The following BIRC6 variants were observed in gnomAD, a reference collection of about 807,000 sequenced individuals.
The protein encoded by BIRC6 is dual E2 ubiquitin-conjugating enzyme/E3 ubiquitin-protein ligase BIRC6.
In BIRC6, 98 loss-of-function variants were observed where a neutral mutation model predicts 503.3. The ratio of observed to expected loss-of-function variants is 0.19; its 90% CI spans 0.17 to 0.23. BIRC6 has a LOEUF of 0.23. BIRC6 is among the 10% of genes least tolerant of loss of function. The pLI is 1.00. For synonymous variants in BIRC6, 2,240 were observed against 2,078.7 expected (o/e 1.08, Z -2.11); for missense variants, 5,360 against 5,806.0 (o/e 0.92, Z 2.50).
intron 21 of BIRC6, among the ~76,000 whole-genome samples, chr2:32,446,524 G>A (rs2045958869): frequency 6.6e-6 from 1 of 152,120 alleles, no homozygotes; most frequent in Admixed American, 6.5e-5. Flanking sequence ...CTTTGTACTT[G>A]AGGCTATGTC....
At chr2:32,530,999 A>G (rs1476705191) in intron 60 of BIRC6, among the ~76,000 whole-genome samples, 1 of 152,236 alleles carries the variant, frequency 6.6e-6, no homozygotes, top group Non-Finnish European at 1.5e-5. Flanking sequence ...TTAACATAGG[A>G]TATACGTTAA....
Position 32,467,733 on chromosome 2 carries a change from C to A in BIRC6, c.5565C>A (p.Phe1855Leu). The A allele has an allele frequency of 6.2e-7, 1 of 1,611,952 alleles. No homozygotes were observed. The highest frequency in any genetic ancestry group is 1.1e-5 in the South Asian group (1 of 90,712). ...HDLIPPPVCR[F>L]MKITVIGRYG... Reference sequence around the variant, plus strand: ...TAATACCACCTCCCGTGTGCAGATTCATGAAGGTAAAGAACTTTAAGAAAG... The same window carrying A: ...TAATACCACCTCCCGTGTGCAGATTAATGAAGGTAAAGAACTTTAAGAAAG... Residue 1855 changes from phenylalanine (F) to leucine (L), a missense_variant, in exon 27 of 74, where the codon TTC (phenylalanine) becomes TTA (leucine). By Grantham distance (22) the Phe-to-Leu change is conservative. Coordinates refer to ENST00000421745, the MANE Select transcript of BIRC6 (RefSeq NM_016252.4).
intron 72 of BIRC6, among the ~76,000 whole-genome samples, chr2:32,609,093 A>G (rs543363097): frequency 3.9e-5 from 6 of 152,134 alleles, no homozygotes; most frequent in African/African-American, 1.4e-4. Context: ...CATGTTGGCC[A>G]GGCTGGTCTC....
At chr2:32,390,320 G>A (rs956351543) in intron 4 of BIRC6, among the ~76,000 whole-genome samples, 1 of 152,036 alleles carries the variant, frequency 6.6e-6, no homozygotes, top group Admixed American at 6.6e-5. Flanking sequence ...ACAGGTGCCC[G>A]CCACCATGCC....
intron 34 of BIRC6, 51 bp downstream of exon 34, chr2:32,476,395 T>G (rs1229842044): frequency 3.3e-6 from 5 of 1,504,906 alleles, no homozygotes; most frequent in Non-Finnish European, 4.4e-6. Flanking sequence ...CAAGGAGTTA[T>G]GATCTTTAAT....
chr2:32,466,982 G>A (rs1040429806), intron 26 of BIRC6, among the ~76,000 whole-genome samples: 1 of 152,086 alleles, frequency 6.6e-6, no homozygotes, highest in Non-Finnish European at 1.5e-5. Context: ...AGCCGGGCAT[G>A]GCAGCGGGCG....
chr2:32,562,035 C>A (rs1401240731), intron 65 of BIRC6, among the ~76,000 whole-genome samples: 2 of 151,602 alleles, frequency 1.3e-5, no homozygotes, highest in Admixed American at 1.3e-4. Flanking sequence ...GAGTGAGACT[C>A]CAACTTAAAA....
chr2:32,609,182 C>T (rs1391663565), intron 72 of BIRC6, among the ~76,000 whole-genome samples: 5 of 152,114 alleles, frequency 3.3e-5, no homozygotes, highest in Non-Finnish European at 7.3e-5. Context: ...CTGCGCCTGG[C>T]CACGTTTCCT....
chr2:32,558,805 G>A (rs1040568459), intron 65 of BIRC6: 2 of 152,218 alleles, frequency 1.3e-5, no homozygotes, highest in African/African-American at 4.8e-5. Context: ...ATATCCTGAA[G>A]GGATGTATCT....
At chr2:32,460,251 T>TAC (rs2047702399) in intron 23 of BIRC6, among the ~76,000 whole-genome samples, 1 of 27,448 alleles carries the variant, frequency 3.6e-5, no homozygotes, top group Non-Finnish European at 7.2e-5. Flanking sequence ...ATATGATATA[T>TAC]ATATATATAT....
chr2:32,607,140 A>T (rs995807732), intron 71 of BIRC6, among the ~76,000 whole-genome samples: 7 of 151,620 alleles, frequency 4.6e-5, no homozygotes, highest in African/African-American at 1.5e-4. Context: ...AAAAAACGAA[A>T]TTTTTTTAGC....
chr2:32,578,327 A>G (rs749132687), intron 66 of BIRC6, among the ~76,000 whole-genome samples: 2 of 152,056 alleles, frequency 1.3e-5, no homozygotes, highest in Non-Finnish European at 2.9e-5. Flanking sequence ...GTTTAATTTT[A>G]ACACTGACTC....
Position 32,464,536 on chromosome 2 carries a change from C to T in BIRC6, c.4969C>T (p.Gln1657Ter). The T allele has an allele frequency of 6.3e-7, 1 of 1,585,820 alleles. No individual in the cohort carries two copies. Among genetic ancestry groups the T allele is most frequent in the Non-Finnish European group, 8.6e-7 (1 of 1,164,964 alleles). Residue 1657 changes from glutamine (Q) to a stop codon, truncating the protein, a stop_gained, in exon 25 of 74, where the codon CAG (glutamine) becomes TAG (stop). Coordinates refer to ENST00000421745, the MANE Select transcript of BIRC6 (RefSeq NM_016252.4). LOFTEE classifies it high-confidence loss of function. The part of the protein sequence containing the change: ...QKAKLEAKLH[Q>*]TTAAAAAAAS... ...AGCAAAGCTGGAAGCCAAGTTACAT[C>T]AGACAACAGCTGCAGCAGCTGCAGC...
intron 53 of BIRC6, 24 bp from the exon 54 acceptor site, chr2:32,512,909 A>G: frequency 1.9e-6 from 3 of 1,594,292 alleles, no homozygotes; most frequent in Non-Finnish European, 2.6e-6. Context: ...AGTTGGTTAT[A>G]TGAATTCGTT....
intron 1 of BIRC6, among the ~76,000 whole-genome samples, chr2:32,369,926 T>TAAAAAAAAA (rs756693528): frequency 7.1e-4 from 27 of 37,786 alleles, no homozygotes; most frequent in Admixed American, 1.0e-3. Flanking sequence ...CCCTGTCTCT[T>TAAAAAAAAA]AAAAAAAAAA....
chr2:32,400,527 C>G (rs1227270244), intron 6 of BIRC6, among the ~76,000 whole-genome samples: 1 of 151,760 alleles, frequency 6.6e-6, no homozygotes, highest in Non-Finnish European at 1.5e-5. Context: ...TTAGTAGAGA[C>G]GGGGTTTCAC....
intron 9 of BIRC6, among the ~76,000 whole-genome samples, chr2:32,414,509 A>G (rs978933302): frequency 6.6e-6 from 1 of 152,096 alleles, no homozygotes; most frequent in African/African-American, 2.4e-5. Flanking sequence ...TCTACTAAAA[A>G]TAGAAAAATT....
At chr2:32,520,186 G>C (rs958810879) in intron 57 of BIRC6, among the ~76,000 whole-genome samples, 1 of 152,210 alleles carries the variant, frequency 6.6e-6, no homozygotes, top group Non-Finnish European at 1.5e-5. Flanking sequence ...CAGAGTAAAA[G>C]AGAGAGTTAA....
intron 1 of BIRC6, among the ~76,000 whole-genome samples, chr2:32,374,130 C>T (rs1250228628): frequency 6.6e-6 from 1 of 152,020 alleles, no homozygotes; most frequent in Non-Finnish European, 1.5e-5. Context: ...CATGAATATA[C>T]TCAATACCAC....
Sources: gnomAD v4.1 joint callset for allele counts (sites outside exome capture counted in the v4.1 genomes callset) on GRCh38, gnomAD v4.1.1 for gene constraint, MANE v1.5 for transcripts, NCBI Gene and HGNC (gene_info 2026-07-23, HGNC 2026-07-21) for gene names.